Variants in DSTN observed in about 807,000 individuals in gnomAD.
The protein encoded by DSTN is destrin, actin depolymerizing factor, also known as destrin.
Under a neutral mutation model 16.8 loss-of-function variants are expected in DSTN, and 10 were observed. That is an observed-to-expected ratio of 0.60 (90% CI 0.37 to 1.01). The LOEUF is 1.01. Among genes scored for constraint, DSTN ranks in the 50% least tolerant of loss-of-function variants. The pLI is 0.01. For synonymous variants in DSTN, 57 were observed against 58.9 expected (o/e 0.97, Z 0.14); for missense variants, 141 against 196.7 (o/e 0.72, Z 1.69).
At chr20:17,579,068 A>G (rs1282708043) in intron 1 of DSTN, among the ~76,000 whole-genome samples, 7 of 151,722 alleles carry the variant, frequency 4.6e-5, no homozygotes, top group Admixed American at 1.3e-4. Flanking sequence ...GATAGATATT[A>G]TTTGTGTTAA....
chr20:17,588,978 G>A (rs1301116255), intron 1 of DSTN, among the ~76,000 whole-genome samples: 1 of 152,080 alleles, frequency 6.6e-6, no homozygotes, highest in Admixed American at 6.5e-5. Context: ...CTTCTCCAGA[G>A]AATAAACTCC....
intron 1 of DSTN, among the ~76,000 whole-genome samples, chr20:17,571,519 G>A (rs2035207041): frequency 6.6e-6 from 1 of 152,176 alleles, no homozygotes; most frequent in South Asian, 2.1e-4. Context: ...CAAAGTATCA[G>A]CATCTTGAGT....
At chr20:17,582,878 T>C (rs1329089117) in intron 1 of DSTN, among the ~76,000 whole-genome samples, 1 of 152,012 alleles carries the variant, frequency 6.6e-6, no homozygotes, top group East Asian at 1.9e-4. Flanking sequence ...CTTCATTGTA[T>C]TCAAAAATGT....
At chr20:17,596,583 G>C (rs2035529045) in intron 1 of DSTN, 1 of 978,918 alleles carries the variant, frequency 1.0e-6, no homozygotes, top group African/African-American at 1.8e-5. Context: ...TAACCTCACT[G>C]CTGTAGTTCA....
At chr20:17,596,260 A>G (rs1316780085) in intron 1 of DSTN, among the ~76,000 whole-genome samples, 2 of 151,554 alleles carry the variant, frequency 1.3e-5, no homozygotes, top group African/African-American at 2.4e-5. Flanking sequence ...GTGGTGAGAA[A>G]CTAGATTGGT....
intron 1 of DSTN, among the ~76,000 whole-genome samples, chr20:17,589,886 T>A (rs1484350343): frequency 6.6e-6 from 1 of 152,236 alleles, no homozygotes; most frequent in Non-Finnish European, 1.5e-5. Flanking sequence ...GAAAAAAATT[T>A]TTTAATTAAT....
In DSTN at chr20:17,570,080, G is replaced by GGGGTAAGCTCGCGCCGCC; in HGVS notation, c.-127_-110dup. The stretch of plus-strand genomic sequence containing the variant: ...TTCCGTCCTGAGGCGCGCCCGCCCC[G>GGGGTAAGCTCGCGCCGCC]GGGTAAGCTCGCGCCGCCGCGTCAG... On this transcript the variant is annotated 5_prime_UTR_variant, in exon 1 of 4. Transcript: ENST00000246069. The GGGGTAAGCTCGCGCCGCC allele has an allele frequency of 5.0e-6, 7 of 1,397,494 alleles. No individual in the cohort carries two copies. The highest frequency in any genetic ancestry group is 5.7e-6 in the Non-Finnish European group (6 of 1,057,718). The allele number at this position is 1,397,494 out of a possible 1,614,324, so 86.6% of individuals were successfully genotyped here.
At chr20:17,589,891 A>G (rs1180012190) in intron 1 of DSTN, among the ~76,000 whole-genome samples, 1 of 152,218 alleles carries the variant, frequency 6.6e-6, no homozygotes, top group African/African-American at 2.4e-5. Context: ...AAATTTTTTA[A>G]TTAATAATTT....
intron 1 of DSTN, among the ~76,000 whole-genome samples, chr20:17,582,374 C>T (rs989547273): frequency 1.2e-4 from 19 of 152,058 alleles, no homozygotes; most frequent in African/African-American, 4.1e-4. Flanking sequence ...CCACCACACC[C>T]GGCCCCGAAG....
In DSTN at chr20:17,607,235, C is replaced by A. The variant is rs762090439; in HGVS notation, c.*89C>A. On this transcript the variant is annotated 3_prime_UTR_variant, in exon 4 of 4. Coordinates refer to ENST00000246069, the MANE Select transcript of DSTN (RefSeq NM_006870.4). ...AGCAAATATATTTAGGCCAGGGTCT[C>A]ACTGAGGGGGAGCTGTCTTGTCATC... is the stretch of plus-strand genomic sequence containing the variant. The A allele has an allele frequency of 6.8e-6, 8 of 1,168,710 alleles. No individual in the cohort carries two copies. The highest frequency in any genetic ancestry group is 1.5e-5 in the African/African-American group (1 of 64,614). The allele number at this position is 1,168,710 out of a possible 1,614,324, so 72.4% of individuals were successfully genotyped here.
rs1003205734 is a variant in DSTN, at chr20:17,608,572, C to T, written c.*1426C>T. ...TTGAGCCCAGGAGGTGAGCTGAGAT[C>T]GTGCCACTGTACTCCAGCCTGGATG... On this transcript the variant is annotated 3_prime_UTR_variant, in exon 4 of 4. Coordinates refer to ENST00000246069, the MANE Select transcript of DSTN (RefSeq NM_006870.4). 2 of 149,366 alleles carry T rather than the reference C, an allele frequency of 1.3e-5. No individual in the cohort carries two copies. The highest frequency in any genetic ancestry group is 4.9e-5 in the African/African-American group (2 of 40,466). 9.3% of individuals were successfully genotyped at this position (149,366 alleles called of 1,614,324 possible). A position where few individuals can be genotyped will look rare whatever the true frequency, so the allele number is the denominator to read the frequency against.
intron 1 of DSTN, among the ~76,000 whole-genome samples, chr20:17,581,558 G>T (rs919940796): frequency 1.3e-5 from 2 of 152,096 alleles, no homozygotes; most frequent in Non-Finnish European, 2.9e-5. Flanking sequence ...ATTAAGATTT[G>T]TTAATAATGA....
intron 1 of DSTN, among the ~76,000 whole-genome samples, chr20:17,589,001 G>A (rs2035442027): frequency 6.6e-6 from 1 of 152,130 alleles, no homozygotes; most frequent in Non-Finnish European, 1.5e-5. Context: ...AATTCCAGGG[G>A]TAAGGGGCTG....
At chr20:17,580,890 G>A (rs1451439769) in intron 1 of DSTN, among the ~76,000 whole-genome samples, 1 of 152,204 alleles carries the variant, frequency 6.6e-6, no homozygotes, top group Non-Finnish European at 1.5e-5. Flanking sequence ...GAACTCTTAA[G>A]TAGAAGGGCC....
chr20:17,595,872 T>C (rs900682140), intron 1 of DSTN, among the ~76,000 whole-genome samples: 1 of 152,228 alleles, frequency 6.6e-6, no homozygotes, highest in African/African-American at 2.4e-5. Context: ...TTCTTAAATA[T>C]CTAGAACAGT....
At chr20:17,571,236 G>T (rs1439099690) in intron 1 of DSTN, among the ~76,000 whole-genome samples, 1 of 152,196 alleles carries the variant, frequency 6.6e-6, no homozygotes, top group African/African-American at 2.4e-5. Context: ...TCAGTGATTT[G>T]CAGGCGTAGC....
intron 1 of DSTN, among the ~76,000 whole-genome samples, chr20:17,570,866 T>G (rs1269359604): frequency 6.6e-6 from 1 of 152,214 alleles, no homozygotes; most frequent in Non-Finnish European, 1.5e-5. Context: ...TTGTCAAGCT[T>G]GGCAGTGTCT....
At chr20:17,593,314 A>G (rs374384734) in intron 1 of DSTN, among the ~76,000 whole-genome samples, 3 of 152,300 alleles carry the variant, frequency 2.0e-5, no homozygotes, top group African/African-American at 7.2e-5. Context: ...GAAGCTTTGT[A>G]TGTGCTGTCC....
In DSTN at chr20:17,578,699, G is replaced by A. The variant is rs375430468; in HGVS notation, c.3+8488G>A. Among the ~76,000 whole-genome samples, 79 of 152,278 alleles carry A rather than the reference G, an allele frequency of 5.2e-4. 1 individual carries two copies. The highest frequency in any genetic ancestry group is 1.8e-3 in the African/African-American group (73 of 41,562). On this transcript the variant is annotated intron_variant, in intron 1 of 3. Coordinates refer to ENST00000246069, the MANE Select transcript of DSTN (RefSeq NM_006870.4). ...GAAGTGGCCGGGCGTGGTGGCTCAC[G>A]CCTGTTATCCCAGCACTTCGGGAGG...
Sources: allele counts gnomAD v4.1 joint callset (sites outside exome capture counted in the v4.1 genomes callset), GRCh38; gene constraint gnomAD v4.1.1; transcripts MANE v1.5; gene names NCBI Gene and HGNC (gene_info 2026-07-23, HGNC 2026-07-21).